The following CSMD2 variants were observed in gnomAD, a reference collection of about 807,000 sequenced individuals.
The protein encoded by CSMD2 is CUB and sushi domain-containing protein 2.
Under a neutral mutation model 398.5 loss-of-function variants are expected in CSMD2, and 130 were observed. The ratio of observed to expected loss-of-function variants is 0.33; its 90% CI spans 0.28 to 0.38. The LOEUF is 0.38. Among genes scored for constraint, CSMD2 ranks in the 10% least tolerant of loss-of-function variants. The probability of loss-of-function intolerance (pLI) is 1.00; values close to 1 mark genes in which losing one functional copy is unlikely to be tolerated. For synonymous variants in CSMD2, 1,828 were observed against 1,908.5 expected, an observed-to-expected ratio of 0.96 and a Z score of 1.10; for missense variants, 3,829 against 4,764.9, an observed-to-expected ratio of 0.80 and a Z score of 5.78.
intron 10 of CSMD2, among the ~76,000 whole-genome samples, chr1:33,808,832 C>T (rs1470594830): frequency 2.0e-5 from 3 of 151,808 alleles, no homozygotes; most frequent in Non-Finnish European, 4.4e-5. Context: ...TGTTAAACCA[C>T]TGCCAATACC....
intron 25 of CSMD2, among the ~76,000 whole-genome samples, chr1:33,682,784 A>G (rs777726720): frequency 1.6e-4 from 25 of 151,772 alleles, no homozygotes; most frequent in Non-Finnish European, 3.2e-4. Context: ...CTTCTACCTC[A>G]CCCAAGGTCT....
At chr1:33,538,725 T>C (rs529866258) in intron 60 of CSMD2, among the ~76,000 whole-genome samples, 2 of 152,260 alleles carry the variant, frequency 1.3e-5, no homozygotes, top group East Asian at 3.9e-4. Context: ...TCATAAGCAA[T>C]GTGATGCCAA....
chr1:33,708,974 T>G, intron 22 of CSMD2, 115 bp downstream of exon 22: 1 of 893,986 alleles, frequency 1.1e-6, no homozygotes, highest in Non-Finnish European at 1.7e-6. Flanking sequence ...GACAGTATTT[T>G]GGGACTCAGG....
intron 3 of CSMD2, among the ~76,000 whole-genome samples, chr1:34,013,612 C>T (rs1294502721): frequency 6.6e-6 from 1 of 152,124 alleles, no homozygotes; most frequent in Non-Finnish European, 1.5e-5. Context: ...TCTGCCCCTT[C>T]TTAGACCTCT....
intron 5 of CSMD2, among the ~76,000 whole-genome samples, chr1:33,902,816 G>A (rs1197597862): frequency 1.3e-5 from 2 of 152,140 alleles, no homozygotes; most frequent in East Asian, 1.9e-4. Flanking sequence ...CTGAGAGTGG[G>A]AAGCCTGTTC....
At chr1:34,126,493 C>T (rs947065) in intron 1 of CSMD2, among the ~76,000 whole-genome samples, 54,876 of 152,088 alleles carry the variant, frequency 0.36, 11,012 homozygotes, top group East Asian at 0.68. Context: ...ATGGGGGGCC[C>T]AGCCTGCAGC....
intron 28 of CSMD2, among the ~76,000 whole-genome samples, chr1:33,647,129 T>C (rs1051905807): frequency 7.9e-5 from 12 of 152,020 alleles, no homozygotes; most frequent in African/African-American, 2.4e-4. Flanking sequence ...GGAAAATGAG[T>C]TGCCAACTCT....
intron 21 of CSMD2, among the ~76,000 whole-genome samples, chr1:33,709,743 C>T (rs533537588): frequency 6.6e-6 from 1 of 152,212 alleles, no homozygotes; most frequent in Admixed American, 6.5e-5. Context: ...CAAAACAGCA[C>T]GATTGACACT....
At chr1:33,917,232 G>T (rs997180209) in intron 5 of CSMD2, among the ~76,000 whole-genome samples, 2 of 152,182 alleles carry the variant, frequency 1.3e-5, no homozygotes, top group Admixed American at 6.5e-5. Flanking sequence ...ACCTTCACCT[G>T]ACACTATGCA....
At chr1:33,578,030 G>T (rs911735449) in intron 48 of CSMD2, among the ~76,000 whole-genome samples, 1 of 152,038 alleles carries the variant, frequency 6.6e-6, no homozygotes, top group South Asian at 2.1e-4. Flanking sequence ...TGTAGATTGC[G>T]TACATAAAGC....
At chr1:33,542,555 G>A (rs139137363) in intron 58 of CSMD2, among the ~76,000 whole-genome samples, 165 bp downstream of exon 58, 2 of 152,360 alleles carry the variant, frequency 1.3e-5, no homozygotes, top group African/African-American at 4.8e-5. Context: ...CTCAGTGGCT[G>A]CCACATAGCA....
intron 2 of CSMD2, among the ~76,000 whole-genome samples, chr1:34,071,091 C>A (rs534319927): frequency 6.6e-6 from 1 of 152,276 alleles, no homozygotes; most frequent in South Asian, 2.1e-4. Context: ...ATAAGGCAGC[C>A]ATTGCTTATG....
At chr1:33,743,013 A>C (rs1273773550) in intron 14 of CSMD2, among the ~76,000 whole-genome samples, 1 of 152,196 alleles carries the variant, frequency 6.6e-6, no homozygotes, top group Non-Finnish European at 1.5e-5. Context: ...ATGAGGTTCC[A>C]GGTTCCTTTT....
chr1:33,817,786 G>A (rs116704254), intron 9 of CSMD2, among the ~76,000 whole-genome samples: 3,880 of 152,316 alleles, frequency 0.025, 164 homozygotes, highest in African/African-American at 0.089. Flanking sequence ...ATTCAGAGAG[G>A]TGAAGAAACT....
At chr1:33,671,652 C>A (rs1644503016) in intron 25 of CSMD2, among the ~76,000 whole-genome samples, 1 of 152,156 alleles carries the variant, frequency 6.6e-6, no homozygotes, top group African/African-American at 2.4e-5. Context: ...CACTCCCGTA[C>A]CTCTTCCCAC....
chr1:33,606,363 TAAC>T (rs1399473756), intron 41 of CSMD2, among the ~76,000 whole-genome samples: 1 of 152,208 alleles, frequency 6.6e-6, no homozygotes, highest in African/African-American at 2.4e-5. Flanking sequence ...TCATACGTAA[TAAC>T]AACATCAATA....
At chr1:33,655,237 G>A (rs1643912605) in intron 27 of CSMD2, among the ~76,000 whole-genome samples, 1 of 152,230 alleles carries the variant, frequency 6.6e-6, no homozygotes, top group South Asian at 2.1e-4. Context: ...ACAATCCTGA[G>A]CACAAATTCT....
Position 33,790,700 on chromosome 1 carries a change from T to TATCA in CSMD2, c.1550+1719_1550+1722dup, listed in dbSNP as rs1229469084. Reference sequence around the variant, plus strand: ...CTATCTATCTATCTATCTATCTATCTATCATCTATCTGTCTATCATCTATC... The same window carrying TATCA: ...CTATCTATCTATCTATCTATCTATCTATCAATCATCTATCTGTCTATCATCTATC... On this transcript the variant is annotated intron_variant, in intron 11 of 70. Coordinates refer to ENST00000373381, the MANE Select transcript of CSMD2 (RefSeq NM_001281956.2). Among the ~76,000 whole-genome samples, 3 of 140,748 alleles carry TATCA rather than the reference T, an allele frequency of 2.1e-5. 1 individual carries two copies. Among genetic ancestry groups the TATCA allele is most frequent in the Non-Finnish European group, 1.5e-5 (1 of 66,320 alleles). The allele number at this position is 140,748 out of a possible 152,430, so 92.3% of individuals were successfully genotyped here.
intron 3 of CSMD2, among the ~76,000 whole-genome samples, chr1:33,999,944 C>A (rs949432115): frequency 6.6e-6 from 1 of 152,130 alleles, no homozygotes; most frequent in African/African-American, 2.4e-5. Flanking sequence ...AGGGAGATTT[C>A]TTTTTAAAGA....
Sources: allele counts gnomAD v4.1 joint callset (sites outside exome capture counted in the v4.1 genomes callset), GRCh38; gene constraint gnomAD v4.1.1; transcripts MANE v1.5; gene names NCBI Gene and HGNC (gene_info 2026-07-23, HGNC 2026-07-21).